The following MOGAT2 variants were observed in gnomAD, a reference collection of about 807,000 sequenced individuals.
The protein encoded by MOGAT2 is 2-acylglycerol O-acyltransferase 2.
A neutral mutation model predicts 31.5 loss-of-function variants in MOGAT2; 27 were observed. The observed-to-expected ratio is 0.86, with a 90% CI of 0.63 to 1.18. The LOEUF (loss-of-function observed/expected upper bound fraction) is 1.18, where lower values mean the gene tolerates loss of function less well. Among genes scored for constraint, MOGAT2 ranks in the 50% most tolerant of loss-of-function variants. MOGAT2 has a pLI of 0.00. For missense variants in MOGAT2, 436 were observed against 433.2 expected, an observed-to-expected ratio of 1.01 and a Z score of -0.06; for synonymous variants, 163 against 170.0, an observed-to-expected ratio of 0.96 and a Z score of 0.32.
intron 1 of MOGAT2, chr11:75,719,686 GAGA>G (rs995674232): frequency 3.3e-5 from 13 of 394,326 alleles, no homozygotes; most frequent in African/African-American, 2.2e-4. Context: ...CTCTCCTGGG[GAGA>G]AGGAGGACAG....
In MOGAT2 at chr11:75,719,944, C is replaced by G. The variant is rs754409249; in HGVS notation, c.92-48C>G. On this transcript the variant is annotated intron_variant, in intron 1 of 5. Transcript: ENST00000198801. ...AGTTCAGTCTGAGCAATCTCACCTG[C>G]CTTCCTCTCAGACCCCTGTCCCTGA... 2.5e-6 allele frequency: 4 copies of G among 1,585,136 alleles called. No homozygotes were observed. In the Admixed American group the frequency reaches 6.7e-5, roughly 27 times the overall value.
At position 75,717,922 on chromosome 11, in the gene MOGAT2, G is replaced by A; in HGVS notation, c.34G>A (p.Glu12Lys). The change falls in exon 1 of 6, where the codon GAG becomes AAG. Residue 12 changes from glutamate to lysine, a missense_variant. Transcript: ENST00000198801. ...GTTCGCGCCCTTGTTTATGCCGTGG[G>A]AGCGCAGGCTGCAGACACTTGCTGT... ...VEFAPLFMPW[E>K]RRLQTLAVLQ... is the part of the protein sequence containing the mutation. 1 of 1,614,220 alleles carries A rather than the reference G, an allele frequency of 6.2e-7. No homozygotes were observed. The highest frequency in any genetic ancestry group is 8.5e-7 in the Non-Finnish European group (1 of 1,180,028).
chr11:75,729,361 G>T (rs1415836496), intron 5 of MOGAT2, among the ~76,000 whole-genome samples: 1 of 151,818 alleles, frequency 6.6e-6, no homozygotes, highest in African/African-American at 2.4e-5. Context: ...TGCAACCTCC[G>T]CCTCCTGGGT....
rs1408752949 is a variant in MOGAT2 at position 75,720,149 on chromosome 11, G to A, written c.249G>A (p.Met83Ile). 1 of 1,613,724 alleles carries A rather than the reference G, an allele frequency of 6.2e-7. No individual in the cohort carries two copies. The highest frequency in any genetic ancestry group is 8.5e-7 in the Non-Finnish European group (1 of 1,179,798). The change falls in exon 2 of 6, where the codon ATG (methionine) becomes ATA (isoleucine). Residue 83 changes from methionine (M) to isoleucine (I), a missense_variant. Physicochemically the swap from Met to Ile is conservative, Grantham distance 10. Coordinates refer to ENST00000198801, the MANE Select transcript of MOGAT2 (RefSeq NM_025098.4). ...AIRCWTIWKY[M>I]KDYFPISLVK... Reference sequence around the variant, plus strand: ...GGTGCTGGACTATATGGAAGTACATGAAGGACTATTTCCCCATCTCGGTGA... The same window carrying A: ...GGTGCTGGACTATATGGAAGTACATAAAGGACTATTTCCCCATCTCGGTGA...
Position 75,717,863 on chromosome 11 carries a change from T to A in MOGAT2, c.-26T>A. On this transcript the variant is annotated 5_prime_UTR_variant, in exon 1 of 6. Coordinates refer to ENST00000198801, the MANE Select transcript of MOGAT2 (RefSeq NM_025098.4). ...AGACCACAGCAGAGCTCACAGAACC[T>A]GCGGGAGCCAGGCTGACCCGCCAGC... The A allele has an allele frequency of 6.2e-7, 1 of 1,610,774 alleles. No homozygotes were observed. The highest frequency in any genetic ancestry group is 1.1e-5 in the South Asian group (1 of 90,650).
At chr11:75,722,431 T>C (rs1944383718) in intron 2 of MOGAT2, among the ~76,000 whole-genome samples, 1 of 152,216 alleles carries the variant, frequency 6.6e-6, no homozygotes, top group Non-Finnish European at 1.5e-5. Flanking sequence ...CGGGAGAGCT[T>C]CAGAGGTTCT....
At position 75,728,840 on chromosome 11, in the gene MOGAT2, A is replaced by G. The variant is rs1944446320; in HGVS notation, c.701A>G (p.Gln234Arg). 6.2e-7 allele frequency: 1 copy of G among 1,614,258 alleles called. No homozygotes were observed. The highest frequency in any genetic ancestry group is 8.5e-7 in the Non-Finnish European group (1 of 1,180,050). Residue 234 changes from glutamine (Q) to arginine (R), a missense_variant, in exon 5 of 6, where the codon CAG (glutamine) becomes CGG (arginine). Transcript: ENST00000198801. ...TTCGGGGAGAATGACCTATTTGACC[A>G]GATTCCCAACTCTTCTGGCTCCTGG... ...FSFGENDLFDQIPNSSGSWLR... is the reference protein window; with the variant it reads ...FSFGENDLFDRIPNSSGSWLR...
chr11:75,722,023 G>A (rs958454144), intron 2 of MOGAT2, among the ~76,000 whole-genome samples: 57 of 152,292 alleles, frequency 3.7e-4, no homozygotes, highest in African/African-American at 1.3e-3. Flanking sequence ...AGCGGGCAGC[G>A]GCTGGCAGAG....
chr11:75,729,937 G>C (rs1294795936), intron 5 of MOGAT2, among the ~76,000 whole-genome samples: 1 of 151,552 alleles, frequency 6.6e-6, no homozygotes, highest in African/African-American at 2.4e-5. Flanking sequence ...TAGAGACAGG[G>C]TTTCACCATG....
At chr11:75,730,081 A>C (rs990403507) in intron 5 of MOGAT2, among the ~76,000 whole-genome samples, 1 of 152,156 alleles carries the variant, frequency 6.6e-6, no homozygotes, top group Non-Finnish European at 1.5e-5. Context: ...CATTCATGTC[A>C]TCTCCATCCA....
chr11:75,725,745 A>G (rs1944417058), intron 2 of MOGAT2, among the ~76,000 whole-genome samples: 1 of 152,136 alleles, frequency 6.6e-6, no homozygotes, highest in South Asian at 2.1e-4. Flanking sequence ...CACCAGCTGC[A>G]TCTTGATGAC....
chr11:75,722,175 T>G (rs1343295263), intron 2 of MOGAT2, among the ~76,000 whole-genome samples: 1 of 152,202 alleles, frequency 6.6e-6, no homozygotes, highest in Non-Finnish European at 1.5e-5. Flanking sequence ...GCAAAGAAAC[T>G]TAGGGCTTGC....
At chr11:75,726,051 G>A (rs1944418935) in intron 2 of MOGAT2, among the ~76,000 whole-genome samples, 1 of 152,212 alleles carries the variant, frequency 6.6e-6, no homozygotes, top group South Asian at 2.1e-4. Flanking sequence ...AGCAGCATTT[G>A]TTAACTGCAT....
At position 75,731,674 on chromosome 11, in the gene MOGAT2, AC is replaced by A. The variant is rs545636487; in HGVS notation, c.*391del. On this transcript the variant is annotated 3_prime_UTR_variant, in exon 6 of 6. Coordinates refer to ENST00000198801, the MANE Select transcript of MOGAT2 (RefSeq NM_025098.4). ...ATTCTGTTGGTCGAAGCAAGTCACAACCCAGCAGATTCAAGGAGTAAGGAAT... is the reference window on the plus strand; with the variant it reads ...ATTCTGTTGGTCGAAGCAAGTCACAACCAGCAGATTCAAGGAGTAAGGAAT... 3.7e-4 allele frequency: 61 copies of A among 165,736 alleles called. No individual in the cohort carries two copies. The South Asian group carries it at 0.011, about 29-fold the overall frequency. 10.3% of individuals were successfully genotyped at this position (165,736 alleles called of 1,614,324 possible).
intron 2 of MOGAT2, among the ~76,000 whole-genome samples, chr11:75,725,134 T>C (rs535417172): frequency 6.6e-6 from 1 of 152,372 alleles, no homozygotes; most frequent in South Asian, 2.1e-4. Flanking sequence ...AGATCAGTTA[T>C]ATTTTTTGGG....
At chr11:75,722,016 G>A (rs1002801767) in intron 2 of MOGAT2, among the ~76,000 whole-genome samples, 1 of 152,186 alleles carries the variant, frequency 6.6e-6, no homozygotes, top group Non-Finnish European at 1.5e-5. Flanking sequence ...GGCAGACAGC[G>A]GGCAGCGGCT....
At chr11:75,724,523 T>C (rs1944403316) in intron 2 of MOGAT2, among the ~76,000 whole-genome samples, 1 of 152,024 alleles carries the variant, frequency 6.6e-6, no homozygotes. Flanking sequence ...TCCAAGTTCA[T>C]GCTCGGTGGG....
intron 2 of MOGAT2, among the ~76,000 whole-genome samples, chr11:75,720,477 T>C (rs936047570): frequency 2.2e-4 from 33 of 152,146 alleles, no homozygotes; most frequent in African/African-American, 7.0e-4. Flanking sequence ...CACAAACCCA[T>C]CAGCAGCCCA....
At chr11:75,718,970 C>G (rs1170229599) in intron 1 of MOGAT2, among the ~76,000 whole-genome samples, 2 of 150,002 alleles carry the variant, frequency 1.3e-5, no homozygotes, top group Non-Finnish European at 3.0e-5. Flanking sequence ...CTCTCTTTCT[C>G]TCTCTCTCTC....
Sources: allele counts gnomAD v4.1 joint callset (sites outside exome capture counted in the v4.1 genomes callset), GRCh38; gene constraint gnomAD v4.1.1; transcripts MANE v1.5; gene names NCBI Gene and HGNC (gene_info 2026-07-23, HGNC 2026-07-21).